EBF1: variants seen among roughly 807,000 people sequenced by gnomAD.
EBF1 encodes transcription factor COE1.
A neutral mutation model predicts 68.4 loss-of-function variants in EBF1; 10 were observed. That is an observed-to-expected ratio of 0.15 (90% confidence interval 0.09 to 0.25). The LOEUF (loss-of-function observed/expected upper bound fraction) is 0.25. Ranked by LOEUF, EBF1 falls within the 10% of genes least tolerant of loss-of-function variation. The pLI, the probability that EBF1 is intolerant of heterozygous loss-of-function variation, is 1.00. For missense variants in EBF1, 509 were observed against 794.4 expected (o/e 0.64, Z 4.32); for synonymous variants, 298 against 299.8 (o/e 0.99, Z 0.06).
At chr5:158,998,533 G>C (rs1432867017) in intron 6 of EBF1, among the ~76,000 whole-genome samples, 1 of 152,132 alleles carries the variant, frequency 6.6e-6, no homozygotes, top group Non-Finnish European at 1.5e-5. Context: ...ACATAACGTT[G>C]AATAAGCAAA....
At chr5:159,033,349 C>T (rs1038864314) in intron 6 of EBF1, among the ~76,000 whole-genome samples, 3 of 152,214 alleles carry the variant, frequency 2.0e-5, no homozygotes, top group African/African-American at 7.2e-5. Context: ...ACATAGTTAG[C>T]TCTGAACTCA....
At chr5:158,974,941 G>A (rs1438761498) in intron 6 of EBF1, among the ~76,000 whole-genome samples, 1 of 152,174 alleles carries the variant, frequency 6.6e-6, no homozygotes, top group Non-Finnish European at 1.5e-5. Flanking sequence ...ACAGACACCA[G>A]TCCATTATAC....
intron 6 of EBF1, among the ~76,000 whole-genome samples, chr5:158,855,965 G>A (rs550386970): frequency 6.6e-6 from 1 of 152,306 alleles, no homozygotes; most frequent in African/African-American, 2.4e-5. Context: ...CTTAAGCATG[G>A]CAGGAAGAGC....
At chr5:158,937,720 G>A (rs1812350013) in intron 6 of EBF1, among the ~76,000 whole-genome samples, 1 of 152,232 alleles carries the variant, frequency 6.6e-6, no homozygotes, top group Admixed American at 6.5e-5. Flanking sequence ...AAAGCCACTG[G>A]ACAAAGAGCT....
chr5:158,712,947 G>A lies in EBF1; in HGVS notation c.1369+23C>T, dbSNP rs762103975. On this transcript the variant is annotated intron_variant, in intron 13 of 15. Coordinates refer to ENST00000313708, the MANE Select transcript of EBF1 (RefSeq NM_024007.5). ...GATGGGGTGCTTAAGGTTGGGGAGG[G>A]AAGAGAAAAGCAAGCTTCTGACCCT... 5.0e-6 allele frequency: 7 copies of A among 1,409,558 alleles called. No homozygotes were observed. The East Asian group carries it at 1.8e-4, about 36-fold the overall frequency. 87.3% of individuals were successfully genotyped at this position (1,409,558 alleles called of 1,614,324 possible).
chr5:159,056,360 T>C (rs749860351), intron 6 of EBF1, among the ~76,000 whole-genome samples: 3 of 152,168 alleles, frequency 2.0e-5, no homozygotes, highest in Non-Finnish European at 2.9e-5. Context: ...GGTGAAATAA[T>C]TGTCACTTCC....
chr5:158,809,275 T>C (rs573430577), intron 8 of EBF1, among the ~76,000 whole-genome samples: 1 of 152,196 alleles, frequency 6.6e-6, no homozygotes, highest in African/African-American at 2.4e-5. Flanking sequence ...CTCATTCCAC[T>C]TTACAAATGA....
At chr5:159,096,602 A>G (rs888430448) in intron 2 of EBF1, 196 bp from the exon 3 acceptor site, 63 of 652,388 alleles carry the variant, frequency 9.7e-5, no homozygotes, top group South Asian at 6.7e-4. Context: ...CTCTCTCCCA[A>G]AAGAAAATTC....
At chr5:158,782,890 T>C (rs549593904) in intron 9 of EBF1, among the ~76,000 whole-genome samples, 1 of 152,276 alleles carries the variant, frequency 6.6e-6, no homozygotes, top group African/African-American at 2.4e-5. Context: ...TTGCTTTTAA[T>C]GTTAGTTATC....
chr5:158,761,089 A>G (rs1486870484), intron 10 of EBF1, among the ~76,000 whole-genome samples: 1 of 152,222 alleles, frequency 6.6e-6, no homozygotes, highest in Non-Finnish European at 1.5e-5. Context: ...ACAAAGCTGA[A>G]AAACACAAAA....
intron 11 of EBF1, 138 bp from the exon 12 acceptor site, chr5:158,714,320 A>C: frequency 1.1e-6 from 1 of 885,888 alleles, no homozygotes; most frequent in Non-Finnish European, 1.8e-6. Context: ...GAACCCCAGA[A>C]GGGTGTTAAA....
At chr5:158,810,748 C>T (rs1005732116) in intron 8 of EBF1, among the ~76,000 whole-genome samples, 52 of 152,166 alleles carry the variant, frequency 3.4e-4, no homozygotes, top group Non-Finnish European at 1.0e-4. Flanking sequence ...TGCTTTCATG[C>T]TTAGCGTTCA....
chr5:159,089,811 AGAAG>A (rs368924377), intron 4 of EBF1, among the ~76,000 whole-genome samples: 38 of 151,978 alleles, frequency 2.5e-4, no homozygotes, highest in African/African-American at 8.9e-4. Flanking sequence ...AAAGAAAGAA[AGAAG>A]GAAAGAAAGA....
chr5:158,857,150 AT>A (rs1794194109), intron 6 of EBF1, among the ~76,000 whole-genome samples: 3 of 151,612 alleles, frequency 2.0e-5, no homozygotes, highest in African/African-American at 7.3e-5. Context: ...ACCCTGTTAG[AT>A]CCTTCTGCAT....
chr5:159,014,324 C>T (rs894422575), intron 6 of EBF1, among the ~76,000 whole-genome samples: 27 of 152,128 alleles, frequency 1.8e-4, no homozygotes, highest in African/African-American at 6.5e-4. Context: ...ACTATGTTAC[C>T]ATGTCCCCAA....
chr5:158,991,087 C>T (rs1022926050), intron 6 of EBF1, among the ~76,000 whole-genome samples: 1 of 152,214 alleles, frequency 6.6e-6, no homozygotes, highest in Non-Finnish European at 1.5e-5. Context: ...CTGCTATGTA[C>T]TATCTGTGTG....
In EBF1 at chr5:159,099,819, CTTTTTTTT is replaced by C. The variant is rs1022658984; in HGVS notation, c.-349_-342del. ...TTTGGGTGCTTTTTTTTTTTTTTTG[CTTTTTTTT>C]TTTTTTTTTTGTAATGATCACAGGC... is the stretch of plus-strand genomic sequence containing the variant. On this transcript the variant is annotated 5_prime_UTR_variant, in exon 1 of 16. Transcript: ENST00000313708. 2.4e-5 allele frequency: 1 copy of C among 40,828 alleles called. No homozygotes were observed. Among genetic ancestry groups the C allele is most frequent in the Non-Finnish European group, 4.7e-5 (1 of 21,344 alleles). 2.5% of individuals were successfully genotyped at this position (40,828 alleles called of 1,614,324 possible).
At chr5:158,862,309 G>A (rs541698130) in intron 6 of EBF1, among the ~76,000 whole-genome samples, 1 of 152,156 alleles carries the variant, frequency 6.6e-6, no homozygotes, top group Admixed American at 6.5e-5. Context: ...GGTGTAAATG[G>A]TTTTGATAAG....
chr5:158,956,924 A>C (rs920253091), intron 6 of EBF1, among the ~76,000 whole-genome samples: 12 of 152,018 alleles, frequency 7.9e-5, no homozygotes, highest in African/African-American at 2.7e-4. Context: ...ACGCCCAGCT[A>C]ATTTTTTGTA....
Sources: allele counts gnomAD v4.1 joint callset (sites outside exome capture counted in the v4.1 genomes callset), GRCh38; gene constraint gnomAD v4.1.1; transcripts MANE v1.5; gene names NCBI Gene and HGNC (gene_info 2026-07-23, HGNC 2026-07-21).